The following AFF1 variants were observed in gnomAD, a reference collection of about 807,000 sequenced individuals.
AFF1 encodes the protein AF4/FMR2 family member 1.
AFF1 carries 48 observed loss-of-function variants against 121.7 expected under a neutral mutation model. That is an observed-to-expected ratio of 0.39 (90% CI 0.31 to 0.50). AFF1 has a LOEUF of 0.50. AFF1 is among the 20% of genes least tolerant of loss of function. The pLI is 0.76. For missense variants in AFF1, 1,523 were observed against 1,511.7 expected (o/e 1.01, Z -0.12); for synonymous variants, 613 against 563.0 (o/e 1.09, Z -1.26).
At chr4:87,132,541 T>G in intron 19 of AFF1, 133 bp downstream of exon 19, 1 of 756,706 alleles carries the variant, frequency 1.3e-6, no homozygotes, top group Non-Finnish European at 2.0e-6. Context: ...ATCTGTTTGC[T>G]GGTTGCTCCT....
Position 87,140,097 on chromosome 4 carries a change from A to G in AFF1, c.*4396A>G, listed in dbSNP as rs1282919353. On this transcript the variant is annotated 3_prime_UTR_variant, in exon 21 of 21. Transcript: ENST00000395146. ...AAACCCTACAGCTCCTTGTGAGCCTATATATTAGTATATCGGCCTGGAGAG... is the reference window on the plus strand; with the variant it reads ...AAACCCTACAGCTCCTTGTGAGCCTGTATATTAGTATATCGGCCTGGAGAG... 7 of 203,806 alleles carry G rather than the reference A, an allele frequency of 3.4e-5. No individual in the cohort carries two copies. The highest frequency in any genetic ancestry group is 1.5e-4 in the East Asian group (2 of 13,452). The allele number at this position is 203,806 out of a possible 1,614,324, so 12.6% of individuals were successfully genotyped here.
At chr4:87,096,615 A>G (rs1242092882) in intron 8 of AFF1, among the ~76,000 whole-genome samples, 4 of 151,748 alleles carry the variant, frequency 2.6e-5, no homozygotes, top group Non-Finnish European at 4.4e-5. Context: ...CACAAACCCA[A>G]ATAGCACACT....
intron 2 of AFF1, among the ~76,000 whole-genome samples, chr4:86,962,093 C>T (rs1009466311): frequency 1.3e-5 from 2 of 151,056 alleles, no homozygotes; most frequent in Admixed American, 1.3e-4. Context: ...GAGTTGAGAG[C>T]AAAGGGTATG....
chr4:87,044,209 A>T (rs1009700486), intron 2 of AFF1, among the ~76,000 whole-genome samples: 1 of 152,224 alleles, frequency 6.6e-6, no homozygotes, highest in African/African-American at 2.4e-5. Flanking sequence ...AAGGCTATAG[A>T]AATACTAGAT....
At chr4:87,135,232 T>C (rs1174826654) in intron 20 of AFF1, among the ~76,000 whole-genome samples, 3 of 152,190 alleles carry the variant, frequency 2.0e-5, no homozygotes, top group Non-Finnish European at 4.4e-5. Context: ...TGTAACTACT[T>C]ACTTTCGACA....
At chr4:87,019,758 A>G (rs1727695336) in intron 2 of AFF1, among the ~76,000 whole-genome samples, 1 of 152,082 alleles carries the variant, frequency 6.6e-6, no homozygotes, top group Non-Finnish European at 1.5e-5. Flanking sequence ...GTTAAACGTT[A>G]AGTAGGTGTT....
At chr4:86,966,778 A>G (rs193270770) in intron 2 of AFF1, among the ~76,000 whole-genome samples, 2 of 152,266 alleles carry the variant, frequency 1.3e-5, no homozygotes, top group Admixed American at 6.5e-5. Context: ...CTTCTGTTCC[A>G]TAATAATTAG....
chr4:87,126,179 C>A lies in AFF1; in HGVS notation c.2654C>A (p.Ala885Asp). The A allele has an allele frequency of 1.9e-6, 3 of 1,614,170 alleles. No homozygotes were observed. Among genetic ancestry groups the A allele is most frequent in the Non-Finnish European group, 2.5e-6 (3 of 1,180,014 alleles). Reference sequence around the variant, plus strand: ...GTGTCCTCGTCCTCCCAGAAGCCAGCCAAGCCTGCACTTAAGAGGTCAAGG... The same window carrying A: ...GTGTCCTCGTCCTCCCAGAAGCCAGACAAGCCTGCACTTAAGAGGTCAAGG... The part of the protein sequence containing the change: ...PPVSSSSQKP[A>D]KPALKRSRRE... The change falls in exon 14 of 21, where the codon GCC (alanine) becomes GAC (aspartate). Residue 885 changes from alanine (A) to aspartate (D), a missense_variant. Transcript: ENST00000395146.
At chr4:87,007,462 G>T (rs1285539796) in intron 2 of AFF1, 1 of 1,613,856 alleles carries the variant, frequency 6.2e-7, no homozygotes, top group Non-Finnish European at 8.5e-7. Context: ...AAACGCGTTC[G>T]TGGCGAGGGG....
chr4:87,103,230 G>A (rs898640945), intron 8 of AFF1, among the ~76,000 whole-genome samples: 3 of 152,096 alleles, frequency 2.0e-5, no homozygotes, highest in African/African-American at 4.8e-5. Context: ...GCTAGTTTAC[G>A]TTGAGATACC....
In AFF1 at chr4:87,047,391, C is replaced by T. The variant is rs143893334; in HGVS notation, c.856C>T (p.Leu286Phe). 6.2e-7 allele frequency: 1 copy of T among 1,614,088 alleles called. No homozygotes were observed. Among genetic ancestry groups the T allele is most frequent in the Non-Finnish European group, 8.5e-7 (1 of 1,180,044 alleles). ...TTCTCAGACATTTCCACCTCCCTCCCTCCCCTCAAAAAGTGTTGCAATGCA... is the reference window on the plus strand; with the variant it reads ...TTCTCAGACATTTCCACCTCCCTCCTTCCCCTCAAAAAGTGTTGCAATGCA... The part of the protein sequence containing the change: ...PPSQTFPPPS[L>F]PSKSVAMQQK... Residue 286 changes from leucine to phenylalanine, a missense_variant, in exon 4 of 21, where the codon CTC (leucine) becomes TTC (phenylalanine). Leu to Phe is a conservative substitution (Grantham distance 22). Coordinates refer to ENST00000395146, the MANE Select transcript of AFF1 (RefSeq NM_001166693.3).
Position 87,126,206 on chromosome 4 carries a change from G to A in AFF1, c.2681G>A (p.Arg894Gln), listed in dbSNP as rs1304927297. 5.6e-6 allele frequency: 9 copies of A among 1,614,092 alleles called. No individual in the cohort carries two copies. Among genetic ancestry groups the A allele is most frequent in the South Asian group, 5.5e-5 (5 of 91,068 alleles). Residue 894 changes from arginine to glutamine, a missense_variant, in exon 14 of 21, where the codon CGG (arginine) becomes CAG (glutamine). Physicochemically the swap from Arg to Gln is conservative, Grantham distance 43. This residue lies in a region of AFF1 where 905 missense variants were observed against 842.5 expected (regional missense o/e 1.07). Coordinates refer to ENST00000395146, the MANE Select transcript of AFF1 (RefSeq NM_001166693.3). The stretch of plus-strand genomic sequence containing the variant: ...AAGCCTGCACTTAAGAGGTCAAGGC[G>A]GGAAGCAGACACCTGTGGCCAGGAC... The part of the protein sequence containing the change: ...PAKPALKRSR[R>Q]EADTCGQDPP...
In AFF1 at chr4:87,111,169, G is replaced by A. The variant is rs1263563162; in HGVS notation, c.1533+2854G>A. Among the ~76,000 whole-genome samples the A allele has an allele frequency of 7.2e-5, 6 of 83,396 alleles. 1 individual carries two copies. Among genetic ancestry groups the A allele is most frequent in the East Asian group, 3.4e-4 (1 of 2,960 alleles). 54.7% of individuals were successfully genotyped at this position (83,396 alleles called of 152,430 possible). A position where few individuals can be genotyped will look rare whatever the true frequency, so the allele number is the denominator to read the frequency against. On this transcript the variant is annotated intron_variant, in intron 11 of 20. Coordinates refer to ENST00000395146, the MANE Select transcript of AFF1 (RefSeq NM_001166693.3). ...ACTACAGGCGCCCGCTACCACGCCC[G>A]GCTAATTTTTTGTATTTTTTTTTTT...
chr4:86,995,360 G>A (rs1008823001), intron 2 of AFF1, among the ~76,000 whole-genome samples: 2 of 144,926 alleles, frequency 1.4e-5, no homozygotes, highest in Non-Finnish European at 3.0e-5. Context: ...CTCTGATGCC[G>A]AGCCGAAGCT....
At position 87,140,401 on chromosome 4, in the gene AFF1, T is replaced by A. The variant is rs900385204; in HGVS notation, c.*4700T>A. On this transcript the variant is annotated 3_prime_UTR_variant, in exon 21 of 21. Transcript: ENST00000395146. ...TGTGTCCCAAATCTTGTTTTAATTT[T>A]TTTTTTCTGAATGTGATCATGTTTT... is the stretch of plus-strand genomic sequence containing the variant. 7 of 188,414 alleles carry A rather than the reference T, an allele frequency of 3.7e-5. No individual in the cohort carries two copies. The highest frequency in any genetic ancestry group is 1.6e-4 in the African/African-American group (7 of 42,726). 11.7% of individuals were successfully genotyped at this position (188,414 alleles called of 1,614,324 possible). A position where few individuals can be genotyped will look rare whatever the true frequency, so the allele number is the denominator to read the frequency against.
intron 2 of AFF1, chr4:87,006,893 A>C: frequency 3.2e-6 from 3 of 940,070 alleles, no homozygotes; most frequent in Non-Finnish European, 3.8e-6. Context: ...AGGGCCGCCG[A>C]GCGCCCTGCC....
rs747837753 is a variant in AFF1, at chr4:86,963,672, CAG to C, written c.38+15102_38+15103del. 1.7e-3 allele frequency among the ~76,000 whole-genome samples: 257 copies of C among 152,306 alleles called. 3 individuals carry two copies. The highest frequency in any genetic ancestry group is 9.6e-4 in the East Asian group (5 of 5,190). Reference sequence around the variant, plus strand: ...GGGTTAAGTGGTTTGCCAATGATCTCAGGGTTAATAATGAAACTGTTTTCTCA... The same window carrying C: ...GGGTTAAGTGGTTTGCCAATGATCTCGGTTAATAATGAAACTGTTTTCTCA... On this transcript the variant is annotated intron_variant, in intron 2 of 20. Transcript: ENST00000395146.
At chr4:86,938,078 C>T (rs1720172717) in intron 1 of AFF1, among the ~76,000 whole-genome samples, 1 of 152,128 alleles carries the variant, frequency 6.6e-6, no homozygotes, top group Non-Finnish European at 1.5e-5. Flanking sequence ...GCCCAAAGTT[C>T]CTTTATTTCA....
At chr4:87,078,918 T>A (rs980242461) in intron 4 of AFF1, among the ~76,000 whole-genome samples, 6 of 152,212 alleles carry the variant, frequency 3.9e-5, no homozygotes, top group Non-Finnish European at 7.3e-5. Context: ...TTGATGGTTT[T>A]GAAAGTGTGT....
Sources: allele counts gnomAD v4.1 joint callset (sites outside exome capture counted in the v4.1 genomes callset), GRCh38; gene constraint gnomAD v4.1.1; regional missense constraint gnomAD v4.1.1; transcripts MANE v1.5; gene names NCBI Gene and HGNC (gene_info 2026-07-23, HGNC 2026-07-21).